The following CTNNA3 variants were observed in gnomAD, a reference collection of about 807,000 sequenced individuals.
CTNNA3 encodes catenin alpha 3, also known as catenin alpha-3.
A neutral mutation model predicts 95.7 loss-of-function variants in CTNNA3; 76 were observed. That is an observed-to-expected ratio of 0.79 (90% confidence interval 0.66 to 0.96). CTNNA3 has a LOEUF of 0.96. Among genes scored for constraint, CTNNA3 ranks in the 40% least tolerant of loss-of-function variants. The pLI is 0.00. For missense variants in CTNNA3, 1,191 were observed against 1,089.8 expected (o/e 1.09, Z -1.31); for synonymous variants, 431 against 374.4 (o/e 1.15, Z -1.74).
chr10:66,396,388 T>C (rs1463206696), intron 11 of CTNNA3, among the ~76,000 whole-genome samples: 2 of 151,976 alleles, frequency 1.3e-5, no homozygotes, highest in Non-Finnish European at 2.9e-5. Context: ...AATGATGTAG[T>C]TTACTAAACT....
At chr10:66,972,226 A>C (rs1350987520) in intron 7 of CTNNA3, among the ~76,000 whole-genome samples, 1 of 152,162 alleles carries the variant, frequency 6.6e-6, no homozygotes. Context: ...CACAGGCTAA[A>C]GTTTTCTCCC....
intron 8 of CTNNA3, among the ~76,000 whole-genome samples, chr10:66,774,564 G>A (rs1840218579): frequency 2.5e-5 from 1 of 39,432 alleles, no homozygotes; most frequent in Non-Finnish European, 4.2e-5. Flanking sequence ...ACTGGCTGGA[G>A]ATCTCTATTC....
chr10:66,645,718 G>C (rs1845685111), intron 9 of CTNNA3, among the ~76,000 whole-genome samples: 1 of 152,138 alleles, frequency 6.6e-6, no homozygotes, highest in Non-Finnish European at 1.5e-5. Flanking sequence ...CAACCCTATT[G>C]TGAACAGCAC....
intron 10 of CTNNA3, among the ~76,000 whole-genome samples, chr10:66,540,000 T>C (rs1394636486): frequency 6.6e-6 from 1 of 152,106 alleles, no homozygotes; most frequent in Non-Finnish European, 1.5e-5. Context: ...AGAAAATGGA[T>C]TAACTCATTT....
At chr10:66,978,709 G>GT (rs1171293953) in intron 7 of CTNNA3, among the ~76,000 whole-genome samples, 1 of 149,794 alleles carries the variant, frequency 6.7e-6, no homozygotes, top group African/African-American at 2.4e-5. Context: ...TAAAGTTCCA[G>GT]TGAATAAATA....
intron 5 of CTNNA3, among the ~76,000 whole-genome samples, chr10:67,233,732 T>C (rs1215138939): frequency 6.6e-6 from 1 of 150,388 alleles, no homozygotes; most frequent in Non-Finnish European, 1.5e-5. Flanking sequence ...AGCTGGTTTT[T>C]TGAAAGGATC....
intron 12 of CTNNA3, among the ~76,000 whole-genome samples, chr10:66,343,688 A>C (rs1164919190): frequency 6.6e-6 from 1 of 152,038 alleles, no homozygotes; most frequent in African/African-American, 2.4e-5. Context: ...TCTAGTTAAC[A>C]ATAATATATA....
intron 5 of CTNNA3, among the ~76,000 whole-genome samples, chr10:67,476,918 C>A (rs1439607662): frequency 6.6e-6 from 1 of 151,856 alleles, no homozygotes; most frequent in Non-Finnish European, 1.5e-5. Context: ...ATTCAGAGTA[C>A]CTGCTCACCT....
At position 67,362,229 on chromosome 10, in the gene CTNNA3, G is replaced by A. The variant is rs550629893; in HGVS notation, c.580-142359C>T. 1.4e-4 allele frequency among the ~76,000 whole-genome samples: 21 copies of A among 151,796 alleles called. No homozygotes were observed. In the East Asian group the frequency reaches 2.9e-3, roughly 21 times the overall value. On this transcript the variant is annotated intron_variant, in intron 5 of 17. Transcript: ENST00000433211. ...GCTACCAATCCTGCTGAAACTGCTCGAAAAAACAGAGGAGGAGAAACTTCT... is the reference window on the plus strand; with the variant it reads ...GCTACCAATCCTGCTGAAACTGCTCAAAAAAACAGAGGAGGAGAAACTTCT...
intron 12 of CTNNA3, among the ~76,000 whole-genome samples, chr10:66,363,124 G>C (rs1184266552): frequency 1.3e-5 from 2 of 152,052 alleles, no homozygotes; most frequent in African/African-American, 4.8e-5. Context: ...CTAAACATTA[G>C]GCCAAAAAAA....
At chr10:66,056,781 T>G (rs1011497406) in intron 15 of CTNNA3, among the ~76,000 whole-genome samples, 2 of 152,164 alleles carry the variant, frequency 1.3e-5, no homozygotes, top group Non-Finnish European at 2.9e-5. Flanking sequence ...ACTCCTCCAT[T>G]TCTTCTAGGT....
At chr10:65,929,669 C>T (rs772990541) in intron 17 of CTNNA3, among the ~76,000 whole-genome samples, 1 of 151,356 alleles carries the variant, frequency 6.6e-6, no homozygotes, top group Non-Finnish European at 1.5e-5. Context: ...TCCGGGTTCA[C>T]GCCATTCTCC....
intron 1 of CTNNA3, among the ~76,000 whole-genome samples, chr10:67,758,305 C>CAT (rs1261166090): frequency 7.7e-5 from 9 of 117,282 alleles, no homozygotes; most frequent in Non-Finnish European, 1.2e-4. Context: ...CACACACACA[C>CAT]ATATATATAA....
chr10:66,827,054 T>C (rs539331428), intron 7 of CTNNA3, among the ~76,000 whole-genome samples: 1 of 152,226 alleles, frequency 6.6e-6, no homozygotes, highest in South Asian at 2.1e-4. Flanking sequence ...GCATCAACCT[T>C]GGCTATGGAG....
chr10:67,659,779 T>A (rs1589544689), intron 1 of CTNNA3, among the ~76,000 whole-genome samples: 1 of 152,182 alleles, frequency 6.6e-6, no homozygotes, highest in East Asian at 1.9e-4. Flanking sequence ...TATGGGTCCA[T>A]CCCATTCCAT....
At chr10:67,544,508 G>A (rs1356382588) in intron 3 of CTNNA3, among the ~76,000 whole-genome samples, 1 of 152,124 alleles carries the variant, frequency 6.6e-6, no homozygotes, top group Admixed American at 6.6e-5. Context: ...GGCAGTAAAT[G>A]TATAAAACAG....
intron 13 of CTNNA3, among the ~76,000 whole-genome samples, chr10:66,163,490 G>C (rs1181253814): frequency 6.6e-6 from 1 of 152,052 alleles, no homozygotes; most frequent in Non-Finnish European, 1.5e-5. Context: ...TTCTCCAGTG[G>C]GGGTGCGTGT....
intron 13 of CTNNA3, among the ~76,000 whole-genome samples, chr10:66,112,957 T>C (rs541015862): frequency 1.3e-5 from 2 of 152,292 alleles, no homozygotes; most frequent in South Asian, 4.1e-4. Flanking sequence ...CTCTTTGAGA[T>C]CCTGATTTCA....
intron 9 of CTNNA3, among the ~76,000 whole-genome samples, chr10:66,756,923 A>G (rs1437280709): frequency 6.6e-6 from 1 of 152,158 alleles, no homozygotes; most frequent in Non-Finnish European, 1.5e-5. Context: ...GATTCTTGGC[A>G]TTATGTATTG....
Sources: allele counts gnomAD v4.1 joint callset (sites outside exome capture counted in the v4.1 genomes callset), GRCh38; gene constraint gnomAD v4.1.1; transcripts MANE v1.5; gene names NCBI Gene and HGNC (gene_info 2026-07-23, HGNC 2026-07-21).